The following LTA4H variants were observed in gnomAD, a reference collection of about 807,000 sequenced individuals.
LTA4H encodes the protein leukotriene A-4 hydrolase.
LTA4H carries 59 observed loss-of-function variants against 89.8 expected under a neutral mutation model. The ratio of observed to expected loss-of-function variants is 0.66; its 90% CI spans 0.53 to 0.82. The LOEUF is 0.82. Ranked by LOEUF, LTA4H falls within the 40% of genes least tolerant of loss-of-function variation. The probability of loss-of-function intolerance (pLI) is 0.00; values close to 1 mark genes in which losing one functional copy is unlikely to be tolerated. For missense variants in LTA4H, 617 were observed against 727.0 expected, an observed-to-expected ratio of 0.85 and a Z score of 1.74; for synonymous variants, 227 against 253.1, an observed-to-expected ratio of 0.90 and a Z score of 0.98.
intron 17 of LTA4H, 62 bp downstream of exon 17, chr12:96,003,776 C>A: frequency 8.8e-7 from 1 of 1,140,454 alleles, no homozygotes; most frequent in Non-Finnish European, 1.3e-6. Context: ...TTCCCTTTCT[C>A]CATCTTTCAA....
In LTA4H at chr12:96,018,866, C is replaced by T; in HGVS notation, c.749G>A (p.Gly250Glu). 6.3e-7 allele frequency: 1 copy of T among 1,597,746 alleles called. No individual in the cohort carries two copies. Among genetic ancestry groups the T allele is most frequent in the Non-Finnish European group, 8.5e-7 (1 of 1,174,930 alleles). The change falls in exon 8 of 19, where the codon GGA (glycine) becomes GAA (glutamate). Residue 250 changes from glycine (G) to glutamate (E), a missense_variant. Physicochemically the swap from Gly to Glu is moderately conservative, Grantham distance 98 (BLOSUM62 -2). This residue lies in a region of LTA4H where 172 missense variants were observed against 244.5 expected (regional missense o/e 0.70). Transcript: ENST00000228740. ...SMLKIAEDLG[G>E]PYVWGQYDLL... ...GTCATACTGTCCCCATACATACGGT[C>T]CTCCCAGATCTTCTGCTATTTTAAG...
chr12:96,019,338 G>T, intron 6 of LTA4H, 98 bp from the exon 7 acceptor site: 2 of 993,192 alleles, frequency 2.0e-6, no homozygotes, highest in South Asian at 1.5e-5. Flanking sequence ...CCTTTACAGT[G>T]AGAGTGCATT....
chr12:96,028,791 T>A (rs2136913612), intron 2 of LTA4H, among the ~76,000 whole-genome samples: 1 of 152,262 alleles, frequency 6.6e-6, no homozygotes. Context: ...TCACTCTAGA[T>A]ATTAGTAAAA....
intron 14 of LTA4H, chr12:96,012,795 G>A (rs2136881378): frequency 1.2e-5 from 2 of 169,106 alleles, no homozygotes; most frequent in South Asian, 3.0e-4. Context: ...CTCACTAGCT[G>A]TGCAACCTAG....
Position 96,017,121 on chromosome 12 carries a change from A to T in LTA4H, c.877-7T>A. 2 of 1,588,832 alleles carry T rather than the reference A, an allele frequency of 1.3e-6. No homozygotes were observed. The highest frequency in any genetic ancestry group is 1.7e-6 in the Non-Finnish European group (2 of 1,157,148). ...ATATTTCATGTGCAATGACCTAAAG[A>T]AAACAGTGTGATTAATAGTAAGACT... On this transcript the variant is annotated splice_polypyrimidine_tract_variant and splice_region_variant and intron_variant, in intron 9 of 18. Transcript: ENST00000228740.
At chr12:96,042,039 A>G (rs951601505) in intron 1 of LTA4H, among the ~76,000 whole-genome samples, 2 of 135,778 alleles carry the variant, frequency 1.5e-5, no homozygotes, top group African/African-American at 5.6e-5. Flanking sequence ...GCTGAAGTGC[A>G]GTGGCACGAT....
chr12:96,002,632 CTCTT>C (rs1230374433), intron 18 of LTA4H, among the ~76,000 whole-genome samples: 5 of 152,116 alleles, frequency 3.3e-5, no homozygotes, highest in African/African-American at 1.2e-4. Flanking sequence ...ACTTCAGACT[CTCTT>C]TCTTGTCTAT....
At position 96,013,369 on chromosome 12, in the gene LTA4H, G is replaced by A. The variant is rs1177926990; in HGVS notation, c.1309-111C>T. The A allele has an allele frequency of 8.9e-5, 56 of 627,430 alleles. No homozygotes were observed. In the East Asian group the frequency reaches 1.5e-3, roughly 17 times the overall value. The allele number at this position is 627,430 out of a possible 1,614,324, so 38.9% of individuals were successfully genotyped here. The stretch of plus-strand genomic sequence containing the variant: ...AATTTTGTCTAATCTGCTATATCAA[G>A]ATAATTTCTAAATCTTTTTTAAAAA... On this transcript the variant is annotated intron_variant, in intron 13 of 18. Transcript: ENST00000228740.
Position 96,014,947 on chromosome 12 carries a change from G to A in LTA4H, c.1112C>T (p.Thr371Ile). 2 of 1,613,438 alleles carry A rather than the reference G, an allele frequency of 1.2e-6. No homozygotes were observed. Among genetic ancestry groups the A allele is most frequent in the African/African-American group, 1.3e-5 (1 of 75,018 alleles). ...HPFTKLVVDLTDIDPDVAYSS... is the reference protein window; with the variant it reads ...HPFTKLVVDLIDIDPDVAYSS... ...ATAAGCTACATCAGGGTCTATATCT[G>A]TCAGATCAACCACAAGTTTGGTGAA... is the stretch of plus-strand genomic sequence containing the variant. Residue 371 changes from threonine (T) to isoleucine (I), a missense_variant, in exon 12 of 19, where the codon ACA (threonine) becomes ATA (isoleucine). This residue lies in a region of LTA4H where 290 missense variants were observed against 339.1 expected (regional missense o/e 0.86). Coordinates refer to ENST00000228740, the MANE Select transcript of LTA4H (RefSeq NM_000895.3).
intron 1 of LTA4H, 99 bp downstream of exon 1, chr12:96,035,262 C>G (rs1039874599): frequency 2.3e-6 from 3 of 1,303,378 alleles, no homozygotes; most frequent in Non-Finnish European, 3.1e-6. Flanking sequence ...AGGCAGGGGC[C>G]GCGGCGGGGT....
intron 18 of LTA4H, 23 bp from the exon 19 acceptor site, chr12:96,001,129 A>G: frequency 6.8e-7 from 1 of 1,476,596 alleles, no homozygotes; most frequent in Non-Finnish European, 9.5e-7. Flanking sequence ...AAAAAATTGA[A>G]AAGAAAGAAA....
intron 9 of LTA4H, among the ~76,000 whole-genome samples, 192 bp from the exon 10 acceptor site, chr12:96,017,306 T>G (rs1379889068): frequency 1.3e-5 from 2 of 152,108 alleles, no homozygotes; most frequent in African/African-American, 4.8e-5. Flanking sequence ...ATAAAGTAAT[T>G]AGAAAACAAA....
chr12:96,029,248 G>A, intron 1 of LTA4H, 63 bp from the exon 2 acceptor site: 1 of 918,824 alleles, frequency 1.1e-6, no homozygotes, highest in South Asian at 1.9e-5. Context: ...ACTCATATTA[G>A]ATATAGGCTA....
At chr12:96,013,962 A>G in intron 12 of LTA4H, 109 bp from the exon 13 acceptor site, 1 of 581,328 alleles carries the variant, frequency 1.7e-6, no homozygotes, top group Non-Finnish European at 3.1e-6. Flanking sequence ...GAACATTCAG[A>G]GAATAGGGAA....
chr12:96,033,885 G>A (rs1242370653), intron 1 of LTA4H, among the ~76,000 whole-genome samples: 1 of 152,232 alleles, frequency 6.6e-6, no homozygotes, highest in African/African-American at 2.4e-5. Flanking sequence ...AGATAGCATG[G>A]TACTTCAAGA....
In LTA4H at chr12:96,035,480, C is replaced by T. The variant is rs750464533; in HGVS notation, c.40G>A (p.Ala14Thr). ...IVDTCSLASP[A>T]SVCRTKHLHL... is the part of the protein sequence containing the mutation. ...AGGTGCTTGGTCCGGCAGACGGAAG[C>T]CGGAGAGGCCAACGAACAGGTATCC... The change falls in exon 1 of 19, where the codon GCT becomes ACT. Residue 14 changes from alanine (A) to threonine (T), a missense_variant. Physicochemically the swap from Ala to Thr is moderately conservative, Grantham distance 58. Transcript: ENST00000228740. 1.9e-6 allele frequency: 3 copies of T among 1,608,798 alleles called. No individual in the cohort carries two copies. Among genetic ancestry groups the T allele is most frequent in the Non-Finnish European group, 2.5e-6 (3 of 1,177,636 alleles).
intron 16 of LTA4H, among the ~76,000 whole-genome samples, chr12:96,006,063 C>T (rs146758760): frequency 1.3e-5 from 2 of 152,202 alleles, no homozygotes; most frequent in East Asian, 3.9e-4. Flanking sequence ...CTAAATTTTG[C>T]ATGTGTTCCC....
upstream of LTA4H, among the ~76,000 whole-genome samples, chr12:96,036,116 T>C (rs931784824): frequency 4.0e-5 from 6 of 151,800 alleles, no homozygotes; most frequent in African/African-American, 7.3e-5. Flanking sequence ...TTTTTGTTTT[T>C]AGCTGTAAGT....
intron 11 of LTA4H, 116 bp from the exon 12 acceptor site, chr12:96,015,115 CT>C: frequency 1.2e-6 from 1 of 865,546 alleles, no homozygotes; most frequent in Non-Finnish European, 1.8e-6. Context: ...GAATCTAAAA[CT>C]TGGAGACTGG....
Sources: allele counts gnomAD v4.1 joint callset (sites outside exome capture counted in the v4.1 genomes callset), GRCh38; gene constraint gnomAD v4.1.1; regional missense constraint gnomAD v4.1.1; transcripts MANE v1.5; gene names NCBI Gene and HGNC (gene_info 2026-07-23, HGNC 2026-07-21).